Variants in PGAP6 observed in about 807,000 individuals in gnomAD.
The protein encoded by PGAP6 is post-GPI attachment to proteins 6.
A neutral mutation model predicts 68.4 loss-of-function variants in PGAP6; 62 were observed. That is an observed-to-expected ratio of 0.91 (90% CI 0.74 to 1.12). The LOEUF (loss-of-function observed/expected upper bound fraction) is 1.12, where lower values mean the gene tolerates loss of function less well. Ranked by LOEUF, PGAP6 falls within the 50% of genes most tolerant of loss-of-function variation. The probability of loss-of-function intolerance (pLI) is 0.00; values close to 1 mark genes in which losing one functional copy is unlikely to be tolerated. For missense variants in PGAP6, 1,188 were observed against 1,068.5 expected, an observed-to-expected ratio of 1.11 and a Z score of -1.56; for synonymous variants, 575 against 474.0, an observed-to-expected ratio of 1.21 and a Z score of -2.77.
Position 374,097 on chromosome 16 carries a change from C to A in PGAP6, c.1810G>T (p.Asp604Tyr). 6.2e-7 allele frequency: 1 copy of A among 1,611,888 alleles called. No homozygotes were observed. Among genetic ancestry groups the A allele is most frequent in the Non-Finnish European group, 8.5e-7 (1 of 1,179,956 alleles). ...AAGAAGTCGCAGTACTGCAGCGTGT[C>A]GTAGCTGAGGATGCACAGCACCGCC... ...GEAVLCILSY[D>Y]TLQYCDFLGS... The change falls in exon 11 of 13, where the codon GAC (aspartate) becomes TAC (tyrosine). Residue 604 changes from aspartate to tyrosine, a missense_variant. Physicochemically the swap from Asp to Tyr is radical, Grantham distance 160 (BLOSUM62 -3). Coordinates refer to ENST00000431232, the MANE Select transcript of PGAP6 (RefSeq NM_021259.3).
At chr16:375,483 A>C in intron 6 of PGAP6, 48 bp from the exon 7 acceptor site, 4 of 1,553,190 alleles carry the variant, frequency 2.6e-6, no homozygotes, top group Non-Finnish European at 3.5e-6. Flanking sequence ...CCCTGGCCGC[A>C]GTGGGGTCAT....
intron 1 of PGAP6, among the ~76,000 whole-genome samples, chr16:380,303 C>T (rs1392190705): frequency 6.6e-6 from 1 of 152,094 alleles, no homozygotes; most frequent in Non-Finnish European, 1.5e-5. Flanking sequence ...GCAGCCTCAG[C>T]TTCCTATGTA....
At position 371,934 on chromosome 16, in the gene PGAP6, T is replaced by TA; in HGVS notation, c.*52dup. 1 of 1,574,070 alleles carries TA rather than the reference T, an allele frequency of 6.4e-7. No individual in the cohort carries two copies. Among genetic ancestry groups the TA allele is most frequent in the Non-Finnish European group, 8.6e-7 (1 of 1,157,238 alleles). On this transcript the variant is annotated 3_prime_UTR_variant, in exon 13 of 13. Coordinates refer to ENST00000431232, the MANE Select transcript of PGAP6 (RefSeq NM_021259.3). ...GCTGGACCAGGCGCCTCCCCCTCGA[T>TA]ACAGCTCCTGGCTGAAGAGGTCATC...
intron 1 of PGAP6, among the ~76,000 whole-genome samples, chr16:381,133 G>A (rs942052137): frequency 5.3e-5 from 8 of 152,256 alleles, no homozygotes; most frequent in Admixed American, 1.3e-4. Flanking sequence ...AGAGGGGAGA[G>A]GGGCGCCCTT....
At position 372,052 on chromosome 16, in the gene PGAP6, G is replaced by C. The variant is rs1567321735; in HGVS notation, c.2251C>G (p.Gln751Glu). 1 of 1,612,644 alleles carries C rather than the reference G, an allele frequency of 6.2e-7. No individual in the cohort carries two copies. Among genetic ancestry groups the C allele is most frequent in the Non-Finnish European group, 8.5e-7 (1 of 1,179,942 alleles). ...ATCTGATAGTGGCAGGGGAATTTCT[G>C]CGAGCAGGCCCAGGGCTCGGCGGGC... ...DQPAEPWACS[Q>E]KFPCHYQICK... is the part of the protein sequence containing the mutation. The change falls in exon 13 of 13, where the codon CAG (glutamine) becomes GAG (glutamate). Residue 751 changes from glutamine to glutamate, a missense_variant. Coordinates refer to ENST00000431232, the MANE Select transcript of PGAP6 (RefSeq NM_021259.3).
chr16:373,370 C>G (rs2081385208), intron 11 of PGAP6, among the ~76,000 whole-genome samples: 1 of 152,194 alleles, frequency 6.6e-6, no homozygotes, highest in Non-Finnish European at 1.5e-5. Flanking sequence ...CAGAGAGTCC[C>G]CAAAGCATCA....
At position 374,047 on chromosome 16, in the gene PGAP6, G is replaced by A. The variant is rs149705587; in HGVS notation, c.1860C>T (p.Val620=). ...DFLGSGAAIW[V]TILCMARLKT... ...TGAGCCGTGCCATGCACAGGATGGT[G>A]ACCCAGATGGCCGCCCCGGAGCCCA... Residue 620 remains valine, a synonymous_variant, in exon 11 of 13, where the codon GTC becomes GTT. Transcript: ENST00000431232. 26 of 1,611,724 alleles carry A rather than the reference G, an allele frequency of 1.6e-5. No homozygotes were observed. Among genetic ancestry groups the A allele is most frequent in the Non-Finnish European group, 2.2e-5 (26 of 1,179,944 alleles).
Position 377,510 on chromosome 16 carries a change from G to C in PGAP6, c.375C>G (p.Pro125=). The C allele has an allele frequency of 6.2e-7, 1 of 1,601,586 alleles. No homozygotes were observed. Among genetic ancestry groups the C allele is most frequent in the Non-Finnish European group, 8.5e-7 (1 of 1,174,838 alleles). ...TCAGCGGCACCCCGACCTGGAAGGA[G>C]GGCTGTACCGCGGTGTCGTCCGGGA... ...TSFPDDTAVQ[P]SFQVGVPLST... The change falls in exon 3 of 13, where the codon CCC becomes CCG. Residue 125 remains proline (P), a synonymous_variant. Transcript: ENST00000431232.
rs746842155 is a variant in PGAP6, at chr16:376,211, G to C, written c.1149C>G (p.Pro383=). 5 of 1,612,692 alleles carry C rather than the reference G, an allele frequency of 3.1e-6. No homozygotes were observed. In the African/African-American group the frequency reaches 5.3e-5, roughly 17 times the overall value. Residue 383 remains proline, a synonymous_variant, in exon 6 of 13, where the codon CCC becomes CCG. Coordinates refer to ENST00000431232, the MANE Select transcript of PGAP6 (RefSeq NM_021259.3). ...RVSVRVCSDT[P]SVMRLRLNTG... ...TGTTCAGGCGCAGCCGCATCACGGAGGGCGTGTCCGAACACACCCTCACCG... is the reference window on the plus strand; with the variant it reads ...TGTTCAGGCGCAGCCGCATCACGGACGGCGTGTCCGAACACACCCTCACCG...
upstream of PGAP6, chr16:386,861 C>T: frequency 1.4e-6 from 1 of 693,108 alleles, no homozygotes. Flanking sequence ...AAGGTGTCCA[C>T]AGCCACATAA....
intron 1 of PGAP6, among the ~76,000 whole-genome samples, chr16:378,207 G>GCCATCCCCACCCAC (rs1567325676): frequency 1.9e-5 from 1 of 53,888 alleles, no homozygotes; most frequent in African/African-American, 6.9e-5. Context: ...TCGCCACCCT[G>GCCATCCCCACCCAC]ACTGCCATCG....
chr16:378,000 G>A (rs1175274828), intron 1 of PGAP6, 152 bp from the exon 2 acceptor site: 10 of 656,134 alleles, frequency 1.5e-5, no homozygotes, highest in Middle Eastern at 4.2e-4. Flanking sequence ...AAAGGTCACC[G>A]ACACCCTCTG....
In PGAP6 at chr16:381,964, G is replaced by T; in HGVS notation, c.-143C>A. On this transcript the variant is annotated 5_prime_UTR_variant, in exon 1 of 13. Transcript: ENST00000431232. ...CATGGCCCGGCCGGTCCCCGCCGCC[G>T]TCGCCCCGGGCACTTCCGCCCGCAG... 1.0e-6 allele frequency: 1 copy of T among 973,666 alleles called. No individual in the cohort carries two copies. The highest frequency in any genetic ancestry group is 1.2e-6 in the Non-Finnish European group (1 of 820,350). The allele number at this position is 973,666 out of a possible 1,614,324, so 60.3% of individuals were successfully genotyped here. A position where few individuals can be genotyped will look rare whatever the true frequency, so the allele number is the denominator to read the frequency against.
At chr16:372,365 G>C (rs1036364265) in intron 12 of PGAP6, 82 bp from the exon 13 acceptor site, 3 of 1,457,478 alleles carry the variant, frequency 2.1e-6, no homozygotes, top group Non-Finnish European at 2.8e-6. Context: ...TGGTTACTGG[G>C]GGCCTGCCCA....
At position 372,645 on chromosome 16, in the gene PGAP6, C is replaced by G; in HGVS notation, c.1985G>C (p.Cys662Ser). The G allele has an allele frequency of 6.2e-7, 1 of 1,612,372 alleles. No homozygotes were observed. Among genetic ancestry groups the G allele is most frequent in the African/African-American group, 1.3e-5 (1 of 75,038 alleles). Residue 662 changes from cysteine to serine, a missense_variant, in exon 12 of 13, where the codon TGC (cysteine) becomes TCC (serine). Transcript: ENST00000431232. The part of the protein sequence containing the change: ...RRGMWNMLGP[C>S]LFAFVIMASM... ...GGCCATGATCACGAAGGCAAAGAGG[C>G]AGGGCCCCAGCATGTTCCACATGCC...
In PGAP6 at chr16:372,174, G is replaced by C; in HGVS notation, c.2129C>G (p.Thr710Ser). 1 of 1,612,918 alleles carries C rather than the reference G, an allele frequency of 6.2e-7. No individual in the cohort carries two copies. Among genetic ancestry groups the C allele is most frequent in the Non-Finnish European group, 8.5e-7 (1 of 1,179,964 alleles). Reference sequence around the variant, plus strand: ...GTAGTTGTCGCTAGTCATCATGGAGGTGTAGATGGCGATGCCCACAGAGGC... The same window carrying C: ...GTAGTTGTCGCTAGTCATCATGGAGCTGTAGATGGCGATGCCCACAGAGGC... ...SMASVGIAIY[T>S]SMMTSDNYYY... The change falls in exon 13 of 13, where the codon ACC (threonine) becomes AGC (serine). Residue 710 changes from threonine (T) to serine (S), a missense_variant. By Grantham distance (58) the Thr-to-Ser change is moderately conservative (BLOSUM62 1). Coordinates refer to ENST00000431232, the MANE Select transcript of PGAP6 (RefSeq NM_021259.3).
At chr16:385,618 A>ATTTT (rs71139779), upstream of PGAP6, among the ~76,000 whole-genome samples, 8 of 77,008 alleles carry the variant, frequency 1.0e-4, no homozygotes, top group African/African-American at 3.2e-4. Flanking sequence ...GCCTACTCTG[A>ATTTT]TTTTTTTTTT....
chr16:376,226 C>T lies in PGAP6; in HGVS notation c.1134G>A (p.Val378=). ...FQPLDRVSVR[V]CSDTPSVMRL... ...GCATCACGGAGGGCGTGTCCGAACACACCCTCACCGAGACCCTGTCCAGGG... is the reference window on the plus strand; with the variant it reads ...GCATCACGGAGGGCGTGTCCGAACATACCCTCACCGAGACCCTGTCCAGGG... Residue 378 remains valine, a synonymous_variant, in exon 6 of 13, where the codon GTG becomes GTA. Transcript: ENST00000431232. 1 of 1,612,796 alleles carries T rather than the reference C, an allele frequency of 6.2e-7. No individual in the cohort carries two copies. Among genetic ancestry groups the T allele is most frequent in the South Asian group, 1.1e-5 (1 of 91,088 alleles).
intron 12 of PGAP6, 38 bp downstream of exon 12, chr16:372,573 G>A: frequency 2.0e-6 from 3 of 1,503,836 alleles, no homozygotes; most frequent in Non-Finnish European, 2.8e-6. Context: ...TCTTCTCCGA[G>A]CACCTGGGCA....
Sources: gnomAD v4.1 joint callset for allele counts (sites outside exome capture counted in the v4.1 genomes callset) on GRCh38, gnomAD v4.1.1 for gene constraint, MANE v1.5 for transcripts, NCBI Gene and HGNC (gene_info 2026-07-23, HGNC 2026-07-21) for gene names.